The following RANBP2 variants were observed in gnomAD, a reference collection of about 807,000 sequenced individuals.
RANBP2 encodes the protein E3 SUMO-protein ligase RanBP2.
Under a neutral mutation model 303.6 loss-of-function variants are expected in RANBP2, and 57 were observed. The ratio of observed to expected loss-of-function variants is 0.19; its 90% confidence interval spans 0.15 to 0.23. The LOEUF is 0.23. RANBP2 is among the 10% of genes least tolerant of loss of function. The probability of loss-of-function intolerance (pLI) is 1.00; values close to 1 mark genes in which losing one functional copy is unlikely to be tolerated. For synonymous variants in RANBP2, 1,167 were observed against 1,301.5 expected, an observed-to-expected ratio of 0.90 and a Z score of 2.23; for missense variants, 3,138 against 3,780.8, an observed-to-expected ratio of 0.83 and a Z score of 4.46.
the RANBP2 span, among the ~76,000 whole-genome samples, chr2:109,650,079 C>A: frequency 2.6e-5 from 4 of 152,164 alleles, no homozygotes; most frequent in Non-Finnish European, 5.9e-5. Context: ...ACTTTCTTTT[C>A]TCAATTGACT....
chr2:108,893,184 AATTTTCCTTTAT>A, the RANBP2 span, among the ~76,000 whole-genome samples: 1 of 146,750 alleles, frequency 6.8e-6, no homozygotes, highest in African/African-American at 2.5e-5. Context: ...TATTGATTTT[AATTTTCCTTTAT>A]ATTTTCCTTT....
the RANBP2 span, among the ~76,000 whole-genome samples, chr2:109,011,636 A>G: frequency 6.6e-6 from 1 of 152,088 alleles, no homozygotes; most frequent in Non-Finnish European, 1.5e-5. Flanking sequence ...TGCTGTTATG[A>G]GGATATTGGA....
the RANBP2 span, among the ~76,000 whole-genome samples, chr2:109,188,410 G>T: frequency 1.3e-5 from 2 of 152,322 alleles, no homozygotes; most frequent in African/African-American, 4.8e-5. Context: ...GCGGGGTCTG[G>T]GACCCCATGG....
chr2:108,879,301 T>C, the RANBP2 span, among the ~76,000 whole-genome samples: 1 of 152,196 alleles, frequency 6.6e-6, no homozygotes, highest in Admixed American at 6.5e-5. Context: ...ATCAAAGAAT[T>C]CTTTTTTAAA....
the RANBP2 span, among the ~76,000 whole-genome samples, chr2:109,569,364 G>C: frequency 2.7e-5 from 4 of 150,664 alleles, no homozygotes; most frequent in Non-Finnish European, 5.9e-5. Context: ...CCAGGAGGCA[G>C]AGGTTGCAGT....
chr2:109,742,536 T>G, the RANBP2 span, among the ~76,000 whole-genome samples: 1 of 148,440 alleles, frequency 6.7e-6, no homozygotes, highest in Admixed American at 6.7e-5. Flanking sequence ...TTTGAATAAA[T>G]AGAGAAGTAT....
the RANBP2 span, among the ~76,000 whole-genome samples, chr2:109,696,214 C>G: frequency 6.6e-6 from 1 of 152,180 alleles, no homozygotes; most frequent in Non-Finnish European, 1.5e-5. Flanking sequence ...CTGCCTGCCT[C>G]AGCCTCCCAC....
At chr2:109,371,567 G>C in the RANBP2 span, 1 of 1,611,168 alleles carries the variant, frequency 6.2e-7, no homozygotes, top group Admixed American at 1.7e-5. Flanking sequence ...TTGTGTCCAC[G>C]GTGGACCCGG....
the RANBP2 span, among the ~76,000 whole-genome samples, chr2:108,894,154 A>C: frequency 6.6e-6 from 1 of 152,322 alleles, no homozygotes. Flanking sequence ...TGTTGCTTTA[A>C]GCCATTGAAT....
the RANBP2 span, chr2:109,490,934 G>A: frequency 6.7e-7 from 1 of 1,493,552 alleles, no homozygotes; most frequent in Non-Finnish European, 8.9e-7. Flanking sequence ...TGCCCAGAGA[G>A]AGGTAAGTGC....
chr2:109,520,598 C>CAAAAAAAAAAAA, the RANBP2 span, among the ~76,000 whole-genome samples: 1 of 50,108 alleles, frequency 2.0e-5, no homozygotes, highest in African/African-American at 6.2e-5. Context: ...GACTCCATCT[C>CAAAAAAAAAAAA]AAAAAAAAAA....
At chr2:109,564,384 G>A in the RANBP2 span, 2 of 1,565,116 alleles carry the variant, frequency 1.3e-6, no homozygotes, top group Non-Finnish European at 1.7e-6. Context: ...CTTGTTTTCT[G>A]GGCCCACATC....
the RANBP2 span, among the ~76,000 whole-genome samples, chr2:109,332,990 C>G: frequency 2.0e-5 from 3 of 152,208 alleles, no homozygotes; most frequent in Admixed American, 6.5e-5. Flanking sequence ...AGAAGACAGC[C>G]TAGCCTGCTG....
At chr2:109,204,462 T>C in the RANBP2 span, among the ~76,000 whole-genome samples, 1 of 152,374 alleles carries the variant, frequency 6.6e-6, no homozygotes, top group South Asian at 2.1e-4. Flanking sequence ...CTGGGTTCAC[T>C]TGTGGCTTTT....
At chr2:108,726,628 TA>T (rs1694732573) in intron 1 of RANBP2, among the ~76,000 whole-genome samples, 2 of 151,890 alleles carry the variant, frequency 1.3e-5, no homozygotes, top group East Asian at 1.9e-4. Context: ...TTTTTATTAT[TA>T]TTATTTTTTT....
At chr2:109,118,017 G>A in the RANBP2 span, among the ~76,000 whole-genome samples, 2 of 152,114 alleles carry the variant, frequency 1.3e-5, no homozygotes, top group African/African-American at 4.8e-5. Context: ...GCGCCACCCT[G>A]GTGCTCAGTT....
chr2:108,840,494 A>C, the RANBP2 span, among the ~76,000 whole-genome samples: 1 of 152,184 alleles, frequency 6.6e-6, no homozygotes, highest in Non-Finnish European at 1.5e-5. Flanking sequence ...TTATGAATTT[A>C]AGTTCTTTAA....
the RANBP2 span, among the ~76,000 whole-genome samples, chr2:108,959,862 G>A: frequency 7.2e-5 from 11 of 152,146 alleles, no homozygotes; most frequent in East Asian, 1.9e-4. Context: ...AAAAATACTC[G>A]CACATACATA....
chr2:109,470,311 G>A, the RANBP2 span, among the ~76,000 whole-genome samples: 1 of 152,178 alleles, frequency 6.6e-6, no homozygotes, highest in Non-Finnish European at 1.5e-5. Flanking sequence ...TGAAATCCAT[G>A]CTTGCATTTC....
Sources: gnomAD v4.1 joint callset for allele counts (sites outside exome capture counted in the v4.1 genomes callset) on GRCh38, gnomAD v4.1.1 for gene constraint, MANE v1.5 for transcripts, NCBI Gene and HGNC (gene_info 2026-07-23, HGNC 2026-07-21) for gene names.